The following PRSS3 variants were observed in gnomAD, a reference collection of about 807,000 sequenced individuals.
PRSS3 encodes the protein trypsin-3.
In PRSS3, 14 loss-of-function variants were observed where a neutral mutation model predicts 20.8. The observed-to-expected ratio is 0.67, with a 90% CI of 0.44 to 1.05. The LOEUF is 1.05. Among genes scored for constraint, PRSS3 ranks in the 50% least tolerant of loss-of-function variants. PRSS3 has a pLI of 0.00. For missense variants in PRSS3, 237 were observed against 306.4 expected (o/e 0.77, Z 1.69); for synonymous variants, 91 against 117.6 (o/e 0.77, Z 1.46).
chr9:33,781,410 G>A (rs1258168903), intron 1 of PRSS3, among the ~76,000 whole-genome samples: 3 of 152,198 alleles, frequency 2.0e-5, no homozygotes, highest in African/African-American at 7.2e-5. Flanking sequence ...ATAGTCCTAA[G>A]TAAATTAATG....
chr9:33,794,084 C>A (rs1255777435), upstream of PRSS3, among the ~76,000 whole-genome samples: 1 of 152,204 alleles, frequency 6.6e-6, no homozygotes, highest in Non-Finnish European at 1.5e-5. Flanking sequence ...CTCTGTGTGT[C>A]CTCTCAACTC....
chr9:33,784,910 C>A (rs12375483), intron 1 of PRSS3, among the ~76,000 whole-genome samples: 9,233 of 152,152 alleles, frequency 0.061, 388 homozygotes, highest in Non-Finnish European at 0.091. Flanking sequence ...ATCACTTACT[C>A]CTGGATTATA....
intron 1 of PRSS3, among the ~76,000 whole-genome samples, chr9:33,773,608 T>C (rs1168507699): frequency 6.6e-6 from 1 of 152,132 alleles, no homozygotes; most frequent in Non-Finnish European, 1.5e-5. Context: ...ATAAGAAAGT[T>C]GGGGAATTTG....
chr9:33,770,919 T>G (rs1459670198), intron 1 of PRSS3, among the ~76,000 whole-genome samples: 2 of 152,182 alleles, frequency 1.3e-5, no homozygotes, highest in African/African-American at 4.8e-5. Context: ...CTGGGAAATA[T>G]CGTGCCAACA....
chr9:33,766,855 T>C (rs187064151), intron 1 of PRSS3, among the ~76,000 whole-genome samples: 2 of 152,078 alleles, frequency 1.3e-5, no homozygotes, highest in East Asian at 1.9e-4. Flanking sequence ...TGTAATTTTA[T>C]ATAAAATTAG....
intron 1 of PRSS3, among the ~76,000 whole-genome samples, chr9:33,753,600 T>C (rs1477202840): frequency 6.6e-6 from 1 of 152,240 alleles, no homozygotes; most frequent in Non-Finnish European, 1.5e-5. Flanking sequence ...GTTCTAACTG[T>C]AGCCGTTATT....
chr9:33,778,629 T>C (rs1300053481), intron 1 of PRSS3, among the ~76,000 whole-genome samples: 1 of 152,180 alleles, frequency 6.6e-6, no homozygotes, highest in East Asian at 1.9e-4. Context: ...GCAAGACTTG[T>C]ATACAGAAAA....
upstream of PRSS3, chr9:33,793,727 G>A (rs1246807089): frequency 1.0e-6 from 1 of 954,980 alleles, no homozygotes; most frequent in Non-Finnish European, 1.2e-6. Context: ...CTTATGGTGA[G>A]CTCTGCCAAG....
chr9:33,771,640 T>G lies in PRSS3; in HGVS notation c.-53+20913T>G, dbSNP rs1256606742. 1.9e-4 allele frequency among the ~76,000 whole-genome samples: 23 copies of G among 118,682 alleles called. No individual in the cohort carries two copies. The East Asian group carries it at 7.1e-3, about 37-fold the overall frequency. The allele number at this position is 118,682 out of a possible 152,430, so 77.9% of individuals were successfully genotyped here. On this transcript the variant is annotated intron_variant, in intron 1 of 5. Transcript: ENST00000342836. ...CTGCACTGGGTTTTGTTTTTTTGTT[T>G]TTTTGTTTTTTTTTTTTTTGAGACA...
chr9:33,766,085 T>C (rs1587374827), intron 1 of PRSS3, among the ~76,000 whole-genome samples: 1 of 149,638 alleles, frequency 6.7e-6, no homozygotes, highest in East Asian at 2.0e-4. Flanking sequence ...GCCAATATGG[T>C]GAAACCCCAT....
chr9:33,791,190 C>T (rs1396970688), upstream of PRSS3, among the ~76,000 whole-genome samples: 2 of 152,200 alleles, frequency 1.3e-5, no homozygotes, highest in African/African-American at 4.8e-5. Flanking sequence ...CCTTCTGCTG[C>T]CTTACCCAAG....
intron 1 of PRSS3, chr9:33,785,816 G>A (rs1587391176): frequency 6.6e-6 from 1 of 152,310 alleles, no homozygotes; most frequent in Non-Finnish European, 1.5e-5. Context: ...TTCAGTTTGG[G>A]ACAACCATGA....
At chr9:33,758,560 T>C (rs1823052195) in intron 1 of PRSS3, among the ~76,000 whole-genome samples, 1 of 152,202 alleles carries the variant, frequency 6.6e-6, no homozygotes. Context: ...TACCCCAAAA[T>C]ATGTCTGTAT....
At chr9:33,764,368 T>C (rs1255625823) in intron 1 of PRSS3, among the ~76,000 whole-genome samples, 1 of 152,146 alleles carries the variant, frequency 6.6e-6, no homozygotes, top group Non-Finnish European at 1.5e-5. Flanking sequence ...ACCTTGTCTC[T>C]ATTAAAAATA....
intron 1 of PRSS3, among the ~76,000 whole-genome samples, chr9:33,766,263 CAAAAAAAAAAA>C (rs67834191): frequency 0.092 from 6,739 of 72,928 alleles, 326 homozygotes; most frequent in Middle Eastern, 0.16. Context: ...GATTCCGTCT[CAAAAAAAAAAA>C]AAAAAAAAAA....
At chr9:33,752,715 A>G (rs530464176) in intron 1 of PRSS3, among the ~76,000 whole-genome samples, 111 of 152,348 alleles carry the variant, frequency 7.3e-4, no homozygotes, top group African/African-American at 2.5e-3. Flanking sequence ...AAACACAAAG[A>G]GACTATCTGA....
intron 1 of PRSS3, among the ~76,000 whole-genome samples, chr9:33,775,948 C>T (rs948626649): frequency 5.9e-5 from 9 of 152,174 alleles, no homozygotes; most frequent in Admixed American, 1.3e-4. Context: ...AAGTGATCTA[C>T]CCGCCTCAGC....
At chr9:33,775,718 T>A (rs1823893504) in intron 1 of PRSS3, among the ~76,000 whole-genome samples, 1 of 151,100 alleles carries the variant, frequency 6.6e-6, no homozygotes, top group African/African-American at 2.4e-5. Context: ...TTTTTTTTTT[T>A]TGGAGATGGA....
At chr9:33,786,509 A>G (rs1824418389) in intron 1 of PRSS3, 1 of 756,156 alleles carries the variant, frequency 1.3e-6, no homozygotes, top group Non-Finnish European at 2.4e-6. Context: ...GGCCCTCATG[A>G]ATATCTCTCT....
Sources: gnomAD v4.1 joint callset for allele counts (sites outside exome capture counted in the v4.1 genomes callset) on GRCh38, gnomAD v4.1.1 for gene constraint, MANE v1.5 for transcripts, NCBI Gene and HGNC (gene_info 2026-07-23, HGNC 2026-07-21) for gene names.